Variants in SNCAIP observed in about 807,000 individuals in gnomAD.
The protein encoded by SNCAIP is synphilin-1.
In SNCAIP, 43 loss-of-function variants were observed where a neutral mutation model predicts 86.7. That is an observed-to-expected ratio of 0.50 (90% CI 0.39 to 0.64). The LOEUF is 0.64. Among genes scored for constraint, SNCAIP ranks in the 30% least tolerant of loss-of-function variants. SNCAIP has a pLI of 0.00. For missense variants in SNCAIP, 981 were observed against 1,103.1 expected (o/e 0.89, Z 1.57); for synonymous variants, 417 against 427.2 (o/e 0.98, Z 0.29).
At chr5:122,341,599 A>T (rs531751030) in intron 1 of SNCAIP, among the ~76,000 whole-genome samples, 4 of 152,332 alleles carry the variant, frequency 2.6e-5, no homozygotes, top group African/African-American at 9.6e-5. Flanking sequence ...CTAAATTCAG[A>T]CAAGTACAGA....
intron 6 of SNCAIP, chr5:122,437,031 G>A (rs1779647245): frequency 6.6e-6 from 1 of 152,162 alleles, no homozygotes; most frequent in Non-Finnish European, 1.5e-5. Flanking sequence ...AAATGATACA[G>A]AAATCTTCAT....
intron 1 of SNCAIP, among the ~76,000 whole-genome samples, chr5:122,381,720 C>A (rs1163188767): frequency 1.3e-5 from 2 of 151,806 alleles, no homozygotes; most frequent in East Asian, 3.9e-4. Flanking sequence ...TTCAGGAGCT[C>A]TTTTAGGGCA....
At chr5:122,356,991 T>G (rs1761138188) in intron 1 of SNCAIP, among the ~76,000 whole-genome samples, 1 of 152,160 alleles carries the variant, frequency 6.6e-6, no homozygotes, top group Non-Finnish European at 1.5e-5. Flanking sequence ...TCACAGTAAA[T>G]TCCAAACTCC....
intron 5 of SNCAIP, among the ~76,000 whole-genome samples, chr5:122,427,269 A>G (rs934278635): frequency 6.6e-6 from 1 of 152,184 alleles, no homozygotes; most frequent in Non-Finnish European, 1.5e-5. Flanking sequence ...AATCTTCAGC[A>G]TAAACACCTT....
Position 122,318,092 on chromosome 5 carries a change from TTCTC to T in SNCAIP, c.-47+5812_-47+5815del, listed in dbSNP as rs1379841624. Among the ~76,000 whole-genome samples, 4 of 152,210 alleles carry T rather than the reference TTCTC, an allele frequency of 2.6e-5. No homozygotes were observed. In the South Asian group the frequency reaches 8.3e-4, roughly 32 times the overall value. On this transcript the variant is annotated intron_variant, in intron 1 of 10. Coordinates refer to ENST00000261368, the MANE Select transcript of SNCAIP (RefSeq NM_005460.4). ...CAGGCTCCTACCATGAATTCCAAGA[TTCTC>T]TCTGAGGTGAGTCCTGCCTCCTCCT...
chr5:122,400,834 A>G (rs184879346), intron 2 of SNCAIP, among the ~76,000 whole-genome samples: 1 of 152,350 alleles, frequency 6.6e-6, no homozygotes, highest in Non-Finnish European at 1.5e-5. Context: ...AGAGAAGTGG[A>G]AAAGAAGTCT....
chr5:122,336,203 AGT>A (rs749615505), intron 1 of SNCAIP, among the ~76,000 whole-genome samples: 1 of 152,166 alleles, frequency 6.6e-6, no homozygotes, highest in Non-Finnish European at 1.5e-5. Context: ...AGAGAGAGAG[AGT>A]GTGTAACAGA....
intron 8 of SNCAIP, among the ~76,000 whole-genome samples, chr5:122,449,502 C>T (rs1354447708): frequency 1.3e-5 from 2 of 151,978 alleles, no homozygotes; most frequent in African/African-American, 2.4e-5. Context: ...ATTATATAGA[C>T]ATAATTAGGA....
chr5:122,322,429 T>A (rs967740695), intron 1 of SNCAIP, among the ~76,000 whole-genome samples: 8 of 152,184 alleles, frequency 5.3e-5, no homozygotes, highest in African/African-American at 1.7e-4. Context: ...ATATAAACAT[T>A]TTTAAAAGGG....
intron 3 of SNCAIP, among the ~76,000 whole-genome samples, chr5:122,405,410 G>GC (rs1413989288): frequency 6.6e-6 from 1 of 152,164 alleles, no homozygotes; most frequent in African/African-American, 2.4e-5. Context: ...GGCTTAATGT[G>GC]CTGGGTACTG....
At chr5:122,328,309 C>G (rs1056553216) in intron 1 of SNCAIP, among the ~76,000 whole-genome samples, 2 of 152,196 alleles carry the variant, frequency 1.3e-5, no homozygotes, top group Non-Finnish European at 2.9e-5. Context: ...TCTTTGTCTT[C>G]TGGCCATCAG....
chr5:122,315,791 G>T (rs868450442), intron 1 of SNCAIP, among the ~76,000 whole-genome samples: 2 of 152,244 alleles, frequency 1.3e-5, no homozygotes, highest in African/African-American at 4.8e-5. Flanking sequence ...GAGACAGGAG[G>T]CTGGTGGCAG....
chr5:122,452,612 C>T (rs1216880357), intron 10 of SNCAIP, among the ~76,000 whole-genome samples: 1 of 152,126 alleles, frequency 6.6e-6, no homozygotes, highest in Non-Finnish European at 1.5e-5. Context: ...GTAAATTGTC[C>T]TTGTTATAGA....
intron 7 of SNCAIP, among the ~76,000 whole-genome samples, chr5:122,441,477 G>C (rs1023024883): frequency 1.3e-5 from 2 of 152,176 alleles, no homozygotes; most frequent in African/African-American, 4.8e-5. Flanking sequence ...CCACAGGAGA[G>C]GGGAAGGAGT....
rs545277796 is a variant in SNCAIP, at chr5:122,366,918, G to A, written c.-46-24171G>A. Among the ~76,000 whole-genome samples, 9 of 152,166 alleles carry A rather than the reference G, an allele frequency of 5.9e-5. No individual in the cohort carries two copies. The South Asian group carries it at 1.2e-3, about 21-fold the overall frequency. ...GCAAAAATCTAATTTATTTGCCTTC[G>A]TCTTGTCCTTCTCAAATTCATTCAA... is the stretch of plus-strand genomic sequence containing the variant. On this transcript the variant is annotated intron_variant, in intron 1 of 10. Transcript: ENST00000261368.
At chr5:122,422,226 G>A (rs1776528567) in intron 3 of SNCAIP, among the ~76,000 whole-genome samples, 1 of 152,112 alleles carries the variant, frequency 6.6e-6, no homozygotes, top group Non-Finnish European at 1.5e-5. Flanking sequence ...CTTTGACCAA[G>A]GTGGGGTTAA....
chr5:122,441,490 C>G (rs567121468), intron 7 of SNCAIP, among the ~76,000 whole-genome samples: 4 of 152,250 alleles, frequency 2.6e-5, no homozygotes, highest in African/African-American at 7.2e-5. Context: ...GAAGGAGTCT[C>G]GACCCCCTGC....
At chr5:122,385,334 A>G (rs1332013118) in intron 1 of SNCAIP, among the ~76,000 whole-genome samples, 4 of 152,160 alleles carry the variant, frequency 2.6e-5, no homozygotes, top group Non-Finnish European at 5.9e-5. Context: ...GTTCATGTGT[A>G]CTTCTTGGCT....
chr5:122,432,771 A>C (rs943678036), intron 6 of SNCAIP, among the ~76,000 whole-genome samples: 1 of 152,172 alleles, frequency 6.6e-6, no homozygotes, highest in Non-Finnish European at 1.5e-5. Context: ...TAAAAAAAAA[A>C]ATTACTACCT....
Sources: gnomAD v4.1 joint callset for allele counts (sites outside exome capture counted in the v4.1 genomes callset) on GRCh38, gnomAD v4.1.1 for gene constraint, MANE v1.5 for transcripts, NCBI Gene and HGNC (gene_info 2026-07-23, HGNC 2026-07-21) for gene names.